Variants in RIC1 observed in about 807,000 individuals in gnomAD.
RIC1 encodes the protein RIC1 partner of RAB6A GEF complex.
A neutral mutation model predicts 169.0 loss-of-function variants in RIC1; 88 were observed. The ratio of observed to expected loss-of-function variants is 0.52; its 90% CI spans 0.44 to 0.62. The LOEUF is 0.62. RIC1 is among the 20% of genes least tolerant of loss of function. RIC1 has a pLI of 0.00. For synonymous variants in RIC1, 790 were observed against 601.5 expected (o/e 1.31, Z -4.59); for missense variants, 1,877 against 1,725.5 (o/e 1.09, Z -1.56).
At chr9:5,765,919 C>T (rs1826702418) in intron 21 of RIC1, 121 bp downstream of exon 21, 4 of 1,264,640 alleles carry the variant, frequency 3.2e-6, no homozygotes, top group Non-Finnish European at 4.3e-6. Context: ...TTTCTTTTTC[C>T]ATTCCCAAAA....
chr9:5,634,240 G>T (rs1450870003), intron 1 of RIC1, among the ~76,000 whole-genome samples: 1 of 152,090 alleles, frequency 6.6e-6, no homozygotes, highest in Non-Finnish European at 1.5e-5. Context: ...AATTCCTTTG[G>T]ATATATACCT....
At chr9:5,720,477 G>A (rs1384275583) in intron 5 of RIC1, 137 bp from the exon 6 acceptor site, 5 of 1,143,586 alleles carry the variant, frequency 4.4e-6, no homozygotes. Flanking sequence ...CATTTAATAG[G>A]AAAGGACAGT....
intron 21 of RIC1, 48 bp downstream of exon 21, chr9:5,765,846 T>C (rs1043271942): frequency 5.0e-6 from 8 of 1,598,488 alleles, no homozygotes; most frequent in African/African-American, 2.7e-5. Flanking sequence ...TCATGACACA[T>C]TGCATTTCAA....
At chr9:5,724,800 A>G (rs558393464) in intron 6 of RIC1, among the ~76,000 whole-genome samples, 1 of 152,188 alleles carries the variant, frequency 6.6e-6, no homozygotes, top group Non-Finnish European at 1.5e-5. Flanking sequence ...CCTTTTCTGC[A>G]TCTATTGAGA....
chr9:5,770,042 C>T (rs1433541977), intron 22 of RIC1, 45 bp from the exon 23 acceptor site: 3 of 1,507,938 alleles, frequency 2.0e-6, no homozygotes, highest in South Asian at 2.5e-5. Context: ...GTGTGTGCAT[C>T]TTCAATTTCT....
Position 5,763,065 on chromosome 9 carries a change from A to T in RIC1, c.2113-75A>T. 6.6e-7 allele frequency: 1 copy of T among 1,504,764 alleles called. No homozygotes were observed. The highest frequency in any genetic ancestry group is 8.9e-7 in the Non-Finnish European group (1 of 1,119,450). The allele number at this position is 1,504,764 out of a possible 1,614,324, so 93.2% of individuals were successfully genotyped here. A position where few individuals can be genotyped will look rare whatever the true frequency, so the allele number is the denominator to read the frequency against. On this transcript the variant is annotated intron_variant, in intron 18 of 25. Coordinates refer to ENST00000414202, the MANE Select transcript of RIC1 (RefSeq NM_020829.4). This position sits in a 1 kb window ranked among gnomAD's most constrained non-coding sequence, Gnocchi z 5.2. ...TATACTATCATTTGAAAGACTTAGT[A>T]AACTAGTACCTAGGAACTTAAGAAC...
At chr9:5,656,413 T>G (rs914301171) in intron 1 of RIC1, among the ~76,000 whole-genome samples, 170 bp from the exon 2 acceptor site, 2 of 152,178 alleles carry the variant, frequency 1.3e-5, no homozygotes, top group African/African-American at 2.4e-5. Context: ...GTTTAGGTCT[T>G]TGTTTTGGTT....
chr9:5,720,640 G>T lies in RIC1; in HGVS notation c.610G>T (p.Val204Leu), dbSNP rs376515492. ...AGGTTCATTCCTGGGCTTCACAGACGTACACATCAGAGACATGGAATACTG... is the reference window on the plus strand; with the variant it reads ...AGGTTCATTCCTGGGCTTCACAGACTTACACATCAGAGACATGGAATACTG... ...RVGSFLGFTDVHIRDMEYCAT... is the reference protein window; with the variant it reads ...RVGSFLGFTDLHIRDMEYCAT... Residue 204 changes from valine to leucine, a missense_variant, in exon 6 of 26, where the codon GTA becomes TTA. Physicochemically the swap from Val to Leu is conservative, Grantham distance 32 (BLOSUM62 1). This residue lies in a region of RIC1 where 1,104 missense variants were observed against 992.0 expected (regional missense o/e 1.11). Coordinates refer to ENST00000414202, the MANE Select transcript of RIC1 (RefSeq NM_020829.4). The T allele has an allele frequency of 6.2e-7, 1 of 1,606,422 alleles. No individual in the cohort carries two copies. Among genetic ancestry groups the T allele is most frequent in the East Asian group, 2.2e-5 (1 of 44,638 alleles).
chr9:5,692,095 AT>A (rs1448103094), intron 3 of RIC1, among the ~76,000 whole-genome samples: 1 of 152,012 alleles, frequency 6.6e-6, no homozygotes, highest in East Asian at 1.9e-4. Context: ...CTCTTTCTTA[AT>A]TTGGGCATTC....
intron 2 of RIC1, among the ~76,000 whole-genome samples, chr9:5,673,506 C>T (rs1028066457): frequency 8.3e-6 from 1 of 120,012 alleles, no homozygotes; most frequent in Admixed American, 8.8e-5. Flanking sequence ...AGGTACCCCA[C>T]AAAATATATA....
rs1408041371 is a variant in RIC1, at chr9:5,689,868, T to G, written c.253-91T>G. On this transcript the variant is annotated intron_variant, in intron 2 of 25. Coordinates refer to ENST00000414202, the MANE Select transcript of RIC1 (RefSeq NM_020829.4). ...AGGGAGGGTATTGGAGAATAAATTT[T>G]TTTTCGAAGTAAGAATTTATAAAAT... 2.4e-5 allele frequency: 20 copies of G among 841,946 alleles called. 1 individual carries two copies. In the South Asian group the frequency reaches 3.4e-4, roughly 14 times the overall value. The allele number at this position is 841,946 out of a possible 1,614,324, so 52.2% of individuals were successfully genotyped here.
At chr9:5,680,059 G>C (rs985456668) in intron 2 of RIC1, among the ~76,000 whole-genome samples, 1 of 152,162 alleles carries the variant, frequency 6.6e-6, no homozygotes, top group African/African-American at 2.4e-5. Flanking sequence ...AAGGGTTGTT[G>C]AATTTTGTCA....
chr9:5,769,879 C>G (rs987375261), intron 22 of RIC1, among the ~76,000 whole-genome samples: 10 of 152,210 alleles, frequency 6.6e-5, no homozygotes, highest in South Asian at 2.1e-4. Context: ...GATGATATAA[C>G]TTTTAGGTGG....
chr9:5,729,544 G>A (rs993991139), intron 6 of RIC1, among the ~76,000 whole-genome samples: 7 of 151,856 alleles, frequency 4.6e-5, no homozygotes, highest in Non-Finnish European at 1.0e-4. Flanking sequence ...TATTATTTTT[G>A]TCTTTGCTGC....
At chr9:5,704,265 C>A (rs1425096332) in intron 3 of RIC1, among the ~76,000 whole-genome samples, 1 of 151,684 alleles carries the variant, frequency 6.6e-6, no homozygotes, top group East Asian at 1.9e-4. Flanking sequence ...GTCTTCCAGG[C>A]AGTGTCACAA....
intron 17 of RIC1, among the ~76,000 whole-genome samples, chr9:5,761,376 A>G (rs546946262): frequency 3.4e-4 from 51 of 151,474 alleles, no homozygotes; most frequent in African/African-American, 1.2e-3. Flanking sequence ...CCTCCCACCA[A>G]ATGCTGGGAT....
At chr9:5,633,928 C>A (rs977661619) in intron 1 of RIC1, among the ~76,000 whole-genome samples, 4 of 152,138 alleles carry the variant, frequency 2.6e-5, no homozygotes, top group Admixed American at 2.0e-4. Context: ...TGGTAATCAT[C>A]GTTCTATTCT....
chr9:5,672,881 G>A (rs10975225), intron 2 of RIC1, among the ~76,000 whole-genome samples: 47,279 of 151,950 alleles, frequency 0.31, 8,186 homozygotes, highest in East Asian at 0.59. Context: ...TACTAACCCT[G>A]GAAACTTAAG....
chr9:5,709,054 T>A (rs980964544), intron 3 of RIC1, among the ~76,000 whole-genome samples: 1 of 152,164 alleles, frequency 6.6e-6, no homozygotes, highest in Non-Finnish European at 1.5e-5. Context: ...TTGTACACTA[T>A]ATTAGTCAGC....
Sources: gnomAD v4.1 joint callset for allele counts (sites outside exome capture counted in the v4.1 genomes callset) on GRCh38, gnomAD v4.1.1 for gene constraint, gnomAD v4.1.1 regional missense constraint, Gnocchi (gnomAD v3.1) non-coding constraint, MANE v1.5 for transcripts, NCBI Gene and HGNC (gene_info 2026-07-23, HGNC 2026-07-21) for gene names.